NR3C2: variants seen among roughly 807,000 people sequenced by gnomAD.
NR3C2 encodes mineralocorticoid receptor.
NR3C2 carries 15 observed loss-of-function variants against 86.4 expected under a neutral mutation model. The observed-to-expected ratio is 0.17, with a 90% confidence interval of 0.12 to 0.27. NR3C2 has a LOEUF of 0.27. NR3C2 is among the 10% of genes least tolerant of loss of function. The probability of loss-of-function intolerance (pLI) is 1.00; values close to 1 mark genes in which losing one functional copy is unlikely to be tolerated. For missense variants in NR3C2, 960 were observed against 1,195.6 expected (o/e 0.80, Z 2.91); for synonymous variants, 458 against 450.5 (o/e 1.02, Z -0.21).
intron 2 of NR3C2, among the ~76,000 whole-genome samples, chr4:148,407,691 C>A (rs76894114): frequency 8.4e-6 from 1 of 119,076 alleles, no homozygotes; most frequent in African/African-American, 3.1e-5. Context: ...CAGAGGCCCC[C>A]CCTTCATTAG....
chr4:148,323,480 G>T (rs6814226), intron 2 of NR3C2, among the ~76,000 whole-genome samples: 1 of 140,746 alleles, frequency 7.1e-6, no homozygotes, highest in Non-Finnish European at 1.5e-5. Context: ...CCCCCAGCCT[G>T]GCTGCAGCCT....
At chr4:148,199,640 C>G (rs1337580926) in intron 3 of NR3C2, among the ~76,000 whole-genome samples, 1 of 152,060 alleles carries the variant, frequency 6.6e-6, no homozygotes, top group Non-Finnish European at 1.5e-5. Flanking sequence ...TACAGACAGG[C>G]AGGTTGAGGA....
intron 2 of NR3C2, among the ~76,000 whole-genome samples, chr4:148,328,749 T>C (rs1744085640): frequency 6.6e-6 from 1 of 152,124 alleles, no homozygotes; most frequent in African/African-American, 2.4e-5. Flanking sequence ...TAATAACAGG[T>C]TAAGTACCAC....
chr4:148,094,060 A>G (rs940627060), intron 8 of NR3C2, among the ~76,000 whole-genome samples: 10 of 152,244 alleles, frequency 6.6e-5, no homozygotes, highest in Non-Finnish European at 1.5e-4. Context: ...GAAGATACAC[A>G]AATGTATCTT....
At chr4:148,230,980 T>C (rs1011374370) in intron 3 of NR3C2, among the ~76,000 whole-genome samples, 1 of 152,222 alleles carries the variant, frequency 6.6e-6, no homozygotes, top group Non-Finnish European at 1.5e-5. Context: ...AATTCTAAGA[T>C]GTGTGTGGTG....
intron 2 of NR3C2, among the ~76,000 whole-genome samples, chr4:148,410,685 AC>A (rs1382537497): frequency 1.3e-5 from 2 of 152,168 alleles, no homozygotes; most frequent in Admixed American, 6.5e-5. Flanking sequence ...TATTTTTCTT[AC>A]CTATCCGCAA....
chr4:148,294,584 C>A (rs1741955689), intron 2 of NR3C2, among the ~76,000 whole-genome samples: 1 of 151,790 alleles, frequency 6.6e-6, no homozygotes, highest in African/African-American at 2.4e-5. Context: ...AATGCAAGTA[C>A]CTCAACTGCA....
chr4:148,344,093 C>T (rs2137334), intron 2 of NR3C2, among the ~76,000 whole-genome samples: 46,448 of 152,002 alleles, frequency 0.31, 7,898 homozygotes, highest in African/African-American at 0.45. Context: ...AGAATGGTTC[C>T]AAAGTCCTTA....
chr4:148,176,727 T>C (rs1243176932), intron 4 of NR3C2, among the ~76,000 whole-genome samples: 1 of 152,316 alleles, frequency 6.6e-6, no homozygotes, highest in South Asian at 2.1e-4. Flanking sequence ...ACCTTCTTAT[T>C]ATCACCATCA....
intron 2 of NR3C2, among the ~76,000 whole-genome samples, chr4:148,412,691 C>A (rs1431830207): frequency 6.6e-6 from 1 of 152,274 alleles, no homozygotes; most frequent in Non-Finnish European, 1.5e-5. Context: ...GGCTTACATT[C>A]TTTTACTTAT....
chr4:148,381,717 T>C (rs1747000560), intron 2 of NR3C2, among the ~76,000 whole-genome samples: 1 of 152,186 alleles, frequency 6.6e-6, no homozygotes, highest in African/African-American at 2.4e-5. Context: ...ATTCATTCAG[T>C]CTAGGATCAC....
chr4:148,435,343 G>T lies in NR3C2; in HGVS notation c.1518C>A (p.Ala506=). 1 of 1,614,192 alleles carries T rather than the reference G, an allele frequency of 6.2e-7. No individual in the cohort carries two copies. Among genetic ancestry groups the T allele is most frequent in the Non-Finnish European group, 8.5e-7 (1 of 1,180,042 alleles). Reference sequence around the variant, plus strand: ...CAACAATAGCAGAGGAAGGGATGCTGGCCTCTGGGTAATAGCTCCCATCAT... The same window carrying T: ...CAACAATAGCAGAGGAAGGGATGCTTGCCTCTGGGTAATAGCTCCCATCAT... ...EPDDGSYYPE[A]SIPSSAIVGV... is the part of the protein sequence containing the mutation. The change falls in exon 2 of 9, where the codon GCC becomes GCA. Residue 506 remains alanine (A), a synonymous_variant. Coordinates refer to ENST00000358102, the MANE Select transcript of NR3C2 (RefSeq NM_000901.5).
intron 2 of NR3C2, among the ~76,000 whole-genome samples, chr4:148,327,998 T>C (rs1202640898): frequency 6.6e-6 from 1 of 152,196 alleles, no homozygotes; most frequent in Non-Finnish European, 1.5e-5. Flanking sequence ...TTTTGTTGCC[T>C]TAATACTATG....
At chr4:148,342,096 G>A (rs931229978) in intron 2 of NR3C2, among the ~76,000 whole-genome samples, 1 of 152,140 alleles carries the variant, frequency 6.6e-6, no homozygotes, top group African/African-American at 2.4e-5. Flanking sequence ...AGGGGTTGCT[G>A]AAGACAGTCC....
At chr4:148,408,862 T>C (rs904205725) in intron 2 of NR3C2, among the ~76,000 whole-genome samples, 1 of 152,178 alleles carries the variant, frequency 6.6e-6, no homozygotes, top group African/African-American at 2.4e-5. Context: ...TATATTGTTC[T>C]ATATCCTGGT....
chr4:148,431,121 T>G (rs1403106605), intron 2 of NR3C2, among the ~76,000 whole-genome samples: 1 of 152,124 alleles, frequency 6.6e-6, no homozygotes, highest in East Asian at 1.9e-4. Context: ...ATTGTATAAA[T>G]AAGAAGAACA....
intron 3 of NR3C2, among the ~76,000 whole-genome samples, chr4:148,222,019 G>C (rs1483247147): frequency 6.6e-6 from 1 of 151,564 alleles, no homozygotes; most frequent in Non-Finnish European, 1.5e-5. Flanking sequence ...TAGTAAAATA[G>C]TTAATATAAT....
intron 3 of NR3C2, among the ~76,000 whole-genome samples, chr4:148,251,569 G>C (rs958680020): frequency 1.3e-5 from 2 of 152,166 alleles, no homozygotes; most frequent in African/African-American, 2.4e-5. Context: ...AGCTTTGTAT[G>C]AGGAAGGCCA....
intron 2 of NR3C2, among the ~76,000 whole-genome samples, chr4:148,322,136 G>A (rs1743636544): frequency 6.7e-6 from 1 of 149,562 alleles, no homozygotes; most frequent in Non-Finnish European, 1.5e-5. Context: ...CTTCACTTAT[G>A]AAGCTTAGTT....
Sources: gnomAD v4.1 joint callset for allele counts (sites outside exome capture counted in the v4.1 genomes callset) on GRCh38, gnomAD v4.1.1 for gene constraint, MANE v1.5 for transcripts, NCBI Gene and HGNC (gene_info 2026-07-23, HGNC 2026-07-21) for gene names.